Variants in PABIR3 observed in about 807,000 individuals in gnomAD.
PABIR3 encodes PABIR family member 1.
Under a neutral mutation model 23.1 loss-of-function variants are expected in PABIR3, and 20 were observed. The ratio of observed to expected loss-of-function variants is 0.86; its 90% CI spans 0.61 to 1.26. The LOEUF (loss-of-function observed/expected upper bound fraction) is 1.26, where lower values mean the gene tolerates loss of function less well. Among genes scored for constraint, PABIR3 ranks in the 50% most tolerant of loss-of-function variants. The pLI is 0.00. For missense variants in PABIR3, 189 were observed against 195.4 expected (o/e 0.97, Z 0.20); for synonymous variants, 69 against 68.5 (o/e 1.01, Z -0.04).
At chrX:134,853,361 C>G (rs2082702472) in intron 10 of PABIR3, among the ~76,000 whole-genome samples, 1 of 112,049 alleles carries the variant, frequency 8.9e-6, no homozygotes, top group Non-Finnish European at 1.9e-5. Context: ...AGTCACGTCA[C>G]CTGGCAGAGT....
the PABIR3 span, among the ~76,000 whole-genome samples, chrX:134,860,325 G>A: frequency 2.7e-5 from 3 of 112,018 alleles, no homozygotes; most frequent in African/African-American, 9.7e-5. Flanking sequence ...CTGGCCTCAA[G>A]TGATCTGCCT....
intron 3 of PABIR3, 132 bp from the exon 4 acceptor site, chrX:134,829,094 C>T: frequency 2.0e-6 from 1 of 500,672 alleles, no homozygotes; most frequent in Non-Finnish European, 3.4e-6. Flanking sequence ...AACTTTGAAC[C>T]TAACTGATAC....
chrX:134,801,892 C>T (rs2080073741), intron 1 of PABIR3, among the ~76,000 whole-genome samples: 1 of 106,945 alleles, frequency 9.4e-6, no homozygotes, highest in African/African-American at 3.4e-5. Flanking sequence ...TTTGTCTCAG[C>T]GTTTTGGGAT....
At chrX:134,813,027 T>A (rs1257425167) in intron 2 of PABIR3, among the ~76,000 whole-genome samples, 3 of 111,849 alleles carry the variant, frequency 2.7e-5, no homozygotes, top group Non-Finnish European at 5.6e-5. Context: ...ACTCTGAGAT[T>A]GTTATTCTCT....
intron 4 of PABIR3, among the ~76,000 whole-genome samples, chrX:134,842,716 G>A (rs1208726179): frequency 1.8e-5 from 2 of 110,205 alleles, no homozygotes; most frequent in African/African-American, 3.3e-5. Flanking sequence ...TGGCCAACAC[G>A]GTGAAACCCC....
chrX:134,835,829 T>C (rs1317027193), intron 4 of PABIR3: 1 of 110,743 alleles, frequency 9.0e-6, no homozygotes, highest in Non-Finnish European at 1.9e-5. Context: ...AATTTTTTTA[T>C]TTTATTTAAT....
intron 4 of PABIR3, chrX:134,832,836 C>T (rs937429030): frequency 8.9e-6 from 1 of 112,150 alleles, no homozygotes; most frequent in African/African-American, 3.2e-5. Flanking sequence ...CTGCAATAAA[C>T]ATGGGAATGT....
intron 3 of PABIR3, 41 bp downstream of exon 3, chrX:134,814,890 T>C: frequency 9.9e-7 from 1 of 1,005,148 alleles, no homozygotes; most frequent in Non-Finnish European, 1.4e-6. Flanking sequence ...CTAAGACTTG[T>C]GCTTATTGGT....
chrX:134,850,148 T>G (rs919591668), intron 9 of PABIR3, among the ~76,000 whole-genome samples: 1 of 109,718 alleles, frequency 9.1e-6, no homozygotes, highest in Non-Finnish European at 1.9e-5. Flanking sequence ...GTGCTGAGAT[T>G]GCAAGCATAA....
chrX:134,852,215 C>G (rs867362860), intron 9 of PABIR3, among the ~76,000 whole-genome samples: 4 of 112,209 alleles, frequency 3.6e-5, no homozygotes, highest in Admixed American at 9.5e-5. Context: ...TGGCTCACGC[C>G]TGTAATCCCA....
In PABIR3 at chrX:134,849,869, C is replaced by CTTTTTTTTTTTTTTTTTT. The variant is rs374919785; in HGVS notation, c.589+642_589+659dup. Among the ~76,000 whole-genome samples the CTTTTTTTTTTTTTTTTTT allele has an allele frequency of 2.7e-4, 16 of 58,853 alleles. 2 individuals carry two copies. Among genetic ancestry groups the CTTTTTTTTTTTTTTTTTT allele is most frequent in the Non-Finnish European group, 3.2e-4 (12 of 37,033 alleles). The allele number at this position is 58,853 out of a possible 115,157, so 51.1% of individuals were successfully genotyped here. A position where few individuals can be genotyped will look rare whatever the true frequency, so the allele number is the denominator to read the frequency against. Reference sequence around the variant, plus strand: ...ACCTCACTAAATTATGCTCTTCTTCCTTTTTTTTTTTTTTTTTTCTTGAGA... The same window carrying CTTTTTTTTTTTTTTTTTT: ...ACCTCACTAAATTATGCTCTTCTTCCTTTTTTTTTTTTTTTTTTTTTTTTTTTTTTTTTTTTCTTGAGA... On this transcript the variant is annotated intron_variant, in intron 9 of 10. Transcript: ENST00000645433.
intron 3 of PABIR3, among the ~76,000 whole-genome samples, chrX:134,819,084 G>A (rs1261144095): frequency 2.8e-5 from 3 of 107,503 alleles, no homozygotes; most frequent in Admixed American, 1.0e-4. Context: ...CTACAGGCAC[G>A]CGCCACCACA....
chrX:134,854,088 T>C lies in PABIR3; in HGVS notation c.687-3T>C. 1 of 1,210,698 alleles carries C rather than the reference T, an allele frequency of 8.3e-7. No individual in the cohort carries two copies. Among genetic ancestry groups the C allele is most frequent in the Non-Finnish European group, 1.1e-6 (1 of 894,869 alleles). On this transcript the variant is annotated splice_region_variant and splice_polypyrimidine_tract_variant and intron_variant, in intron 10 of 10. Transcript: ENST00000645433. ...ATCAATGAGTGGCATTTTCTTCTTC[T>C]AGTCTACTTCCAGCTACTTTTGATG...
At chrX:134,832,645 T>C (rs926054243) in intron 4 of PABIR3, among the ~76,000 whole-genome samples, 1 of 110,560 alleles carries the variant, frequency 9.0e-6, no homozygotes, top group Non-Finnish European at 1.9e-5. Flanking sequence ...CAGGTGATCC[T>C]GCCTGCCTCA....
chrX:134,818,217 G>A (rs916310034), intron 3 of PABIR3, among the ~76,000 whole-genome samples: 3 of 111,793 alleles, frequency 2.7e-5, no homozygotes, highest in Non-Finnish European at 3.8e-5. Context: ...AGTGATGTTC[G>A]ATGTACTAGT....
intron 4 of PABIR3, among the ~76,000 whole-genome samples, chrX:134,843,425 G>T (rs947077694): frequency 9.2e-6 from 1 of 108,990 alleles, no homozygotes; most frequent in Non-Finnish European, 1.9e-5. Flanking sequence ...AAAAAAGGGG[G>T]TTCAACTTCA....
intron 1 of PABIR3, chrX:134,799,647 T>C (rs773173071): frequency 1.8e-5 from 2 of 112,343 alleles, no homozygotes; most frequent in East Asian, 5.6e-4. Context: ...CATTTTACTT[T>C]AGGACAAAAA....
rs1221372029 is a variant in PABIR3 at position 134,829,523 on chromosome X, G to A, written c.246+241G>A. 3.6e-5 allele frequency among the ~76,000 whole-genome samples: 4 copies of A among 110,855 alleles called. No individual in the cohort carries two copies. The Admixed American group carries it at 3.9e-4, about 11-fold the overall frequency. On this transcript the variant is annotated intron_variant, in intron 4 of 10. Coordinates refer to ENST00000645433, the MANE Select transcript of PABIR3 (RefSeq NM_001388447.1). ...TGCATACTCTTATACCTTGAGTCTA[G>A]CTTCTTTCTTCCAGGGATCTGAAAG...
chrX:134,841,128 A>AT (rs1424534715), intron 4 of PABIR3, among the ~76,000 whole-genome samples: 11 of 104,377 alleles, frequency 1.1e-4, no homozygotes, highest in South Asian at 4.2e-4. Context: ...TGCCCGGCTA[A>AT]TTTTTTTTTT....
Sources: gnomAD v4.1 joint callset for allele counts (sites outside exome capture counted in the v4.1 genomes callset) on GRCh38, gnomAD v4.1.1 for gene constraint, MANE v1.5 for transcripts, NCBI Gene and HGNC (gene_info 2026-07-23, HGNC 2026-07-21) for gene names.